ADAM28: variants seen among roughly 807,000 people sequenced by gnomAD.
The protein encoded by ADAM28 is disintegrin and metalloproteinase domain-containing protein 28.
Under a neutral mutation model 101.2 loss-of-function variants are expected in ADAM28, and 105 were observed. The ratio of observed to expected loss-of-function variants is 1.04; its 90% CI spans 0.89 to 1.22. The LOEUF is 1.22. Ranked by LOEUF, ADAM28 falls within the 50% of genes most tolerant of loss-of-function variation. ADAM28 has a pLI of 0.00. For synonymous variants in ADAM28, 322 were observed against 310.6 expected, an observed-to-expected ratio of 1.04 and a Z score of -0.39; for missense variants, 1,028 against 945.4, an observed-to-expected ratio of 1.09 and a Z score of -1.15.
chr8:24,332,840 A>G (rs1813535185), intron 13 of ADAM28, 91 bp downstream of exon 13: 1 of 660,528 alleles, frequency 1.5e-6, no homozygotes. Context: ...AAGCAATGCA[A>G]TATTTTTCTT....
intron 17 of ADAM28, 86 bp from the exon 18 acceptor site, chr8:24,343,420 T>A: frequency 7.2e-7 from 1 of 1,385,784 alleles, no homozygotes; most frequent in Non-Finnish European, 1.0e-6. Flanking sequence ...TATTCCTTTT[T>A]CTGCATGAAC....
At chr8:24,314,844 A>G (rs953518872) in intron 6 of ADAM28, among the ~76,000 whole-genome samples, 12 of 151,594 alleles carry the variant, frequency 7.9e-5, no homozygotes, top group Non-Finnish European at 1.8e-4. Context: ...GTTTTTATAC[A>G]TGACTGAAGT....
At position 24,341,603 on chromosome 8, in the gene ADAM28, C is replaced by G. The variant is rs780251485; in HGVS notation, c.1676C>G (p.Thr559Ser). ...CATTTTGGCTTTTTCCTCAGTGATA[C>G]CATGTGTGGGAAGTTGTTCTGTCAA... ...DTLIPCKAND[T>S]MCGKLFCQGG... The change falls in exon 16 of 23, where the codon ACC (threonine) becomes AGC (serine). Residue 559 changes from threonine to serine, a missense_variant. Transcript: ENST00000265769. 2 of 1,612,534 alleles carry G rather than the reference C, an allele frequency of 1.2e-6. No individual in the cohort carries two copies. Among genetic ancestry groups the G allele is most frequent in the Admixed American group, 1.7e-5 (1 of 59,838 alleles).
chr8:24,345,342 A>G (rs116725595), intron 18 of ADAM28, among the ~76,000 whole-genome samples: 1 of 152,008 alleles, frequency 6.6e-6, no homozygotes, highest in Non-Finnish European at 1.5e-5. Flanking sequence ...TATGCAAAAT[A>G]TCTCCACTGT....
At chr8:24,308,772 T>C (rs1453913288) in intron 2 of ADAM28, 1 of 451,028 alleles carries the variant, frequency 2.2e-6, no homozygotes, top group Non-Finnish European at 4.5e-6. Flanking sequence ...AAGCAAAGTA[T>C]GGACTGTAAG....
intron 20 of ADAM28, chr8:24,351,513 A>C: frequency 1.6e-6 from 1 of 632,216 alleles, no homozygotes; most frequent in South Asian, 1.7e-5. Context: ...AAATGCAAAC[A>C]GAATAAAGAG....
In ADAM28 at chr8:24,294,202, A is replaced by T; in HGVS notation, c.46+7A>T. ...CTCCTCCTCTCTGTTGCAGGTACATATTTAGCTCTTTTTCAGGTTCTATTG... is the reference window on the plus strand; with the variant it reads ...CTCCTCCTCTCTGTTGCAGGTACATTTTTAGCTCTTTTTCAGGTTCTATTG... On this transcript the variant is annotated splice_region_variant and intron_variant, in intron 1 of 22. Transcript: ENST00000265769. 1 of 1,614,020 alleles carries T rather than the reference A, an allele frequency of 6.2e-7. No individual in the cohort carries two copies. The highest frequency in any genetic ancestry group is 1.1e-5 in the South Asian group (1 of 91,082).
rs1309319268 is a variant in ADAM28, at chr8:24,351,299, C to T, written c.2167C>T (p.Gln723Ter). The change falls in exon 20 of 23, where the codon CAA becomes TAA. Residue 723 changes from glutamine (Q) to a stop codon, truncating the protein, a stop_gained. Transcript: ENST00000265769. LOFTEE classifies it high-confidence loss of function. ...GAAACCCCAGATGGTAAAGGCTGTTCAACCCCAAGAGGTGAACTATATAGT... is the reference window on the plus strand; with the variant it reads ...GAAACCCCAGATGGTAAAGGCTGTTTAACCCCAAGAGGTGAACTATATAGT... ...KRKPQMVKAV[Q>*]PQEMSQMKPH... 6 of 1,613,302 alleles carry T rather than the reference C, an allele frequency of 3.7e-6. No homozygotes were observed. Among genetic ancestry groups the T allele is most frequent in the Non-Finnish European group, 5.1e-6 (6 of 1,179,610 alleles).
chr8:24,314,426 T>G (rs986284532), intron 6 of ADAM28, among the ~76,000 whole-genome samples: 2 of 152,126 alleles, frequency 1.3e-5, no homozygotes, highest in Non-Finnish European at 2.9e-5. Context: ...GTTTTGTGTT[T>G]TAGACTGTAT....
intron 5 of ADAM28, among the ~76,000 whole-genome samples, chr8:24,312,955 G>A (rs1810673169): frequency 6.6e-6 from 1 of 152,162 alleles, no homozygotes; most frequent in Admixed American, 6.6e-5. Context: ...CCTGAGGCTT[G>A]TGAGTTTAAA....
chr8:24,334,528 A>G (rs1813760912), intron 13 of ADAM28, among the ~76,000 whole-genome samples: 7 of 152,192 alleles, frequency 4.6e-5, no homozygotes, highest in Admixed American at 4.6e-4. Context: ...AGATTTAGAC[A>G]TAAAAGAATT....
intron 2 of ADAM28, among the ~76,000 whole-genome samples, chr8:24,301,689 G>A (rs927584834): frequency 3.9e-5 from 6 of 152,138 alleles, no homozygotes; most frequent in Admixed American, 3.9e-4. Context: ...TTATGTGTTA[G>A]TATTATTTGT....
chr8:24,339,494 C>T lies in ADAM28; in HGVS notation c.1596C>T (p.Tyr532=), dbSNP rs759619975. 6.2e-7 allele frequency: 1 copy of T among 1,613,416 alleles called. No homozygotes were observed. Among genetic ancestry groups the T allele is most frequent in the Non-Finnish European group, 8.5e-7 (1 of 1,179,604 alleles). Residue 532 remains tyrosine (Y), a synonymous_variant, in exon 15 of 23, where the codon TAC becomes TAT. Coordinates refer to ENST00000265769, the MANE Select transcript of ADAM28 (RefSeq NM_014265.6). ...CTGAGGTTGCAGATAAGTCATGTTA[C>T]AACAGGAATGAAGGTGGGTCAAAGT... ...PGTEVADKSC[Y]NRNEGGSKYG...
chr8:24,330,592 A>G (rs572264255), intron 11 of ADAM28, among the ~76,000 whole-genome samples: 75 of 152,298 alleles, frequency 4.9e-4, no homozygotes, highest in African/African-American at 1.7e-3. Flanking sequence ...CCTCTTTTCT[A>G]TACATACAGC....
At chr8:24,348,864 A>T (rs1815732663) in intron 18 of ADAM28, among the ~76,000 whole-genome samples, 1 of 152,164 alleles carries the variant, frequency 6.6e-6, no homozygotes. Flanking sequence ...ATAATATGTC[A>T]TTCTTCTGAA....
chr8:24,321,563 C>A, intron 8 of ADAM28: 1 of 392,296 alleles, frequency 2.5e-6, no homozygotes. Flanking sequence ...TCCAAAAATC[C>A]GCTAAGAAAA....
chr8:24,322,239 A>C (rs767007006), intron 8 of ADAM28, among the ~76,000 whole-genome samples: 1 of 151,994 alleles, frequency 6.6e-6, no homozygotes, highest in African/African-American at 2.4e-5. Context: ...GATTTAGTGC[A>C]TGAGTGGAGA....
intron 1 of ADAM28, chr8:24,296,293 C>G (rs1807954053): frequency 1.3e-5 from 2 of 151,990 alleles, no homozygotes; most frequent in Non-Finnish European, 2.9e-5. Flanking sequence ...GTCAAAATAA[C>G]AGACCTAATA....
chr8:24,335,113 T>C (rs1297778547), intron 13 of ADAM28, among the ~76,000 whole-genome samples: 1 of 152,050 alleles, frequency 6.6e-6, no homozygotes, highest in Non-Finnish European at 1.5e-5. Context: ...CTGACAGAGA[T>C]GCATCCAACA....
Sources: gnomAD v4.1 joint callset for allele counts (sites outside exome capture counted in the v4.1 genomes callset) on GRCh38, gnomAD v4.1.1 for gene constraint, MANE v1.5 for transcripts, NCBI Gene and HGNC (gene_info 2026-07-23, HGNC 2026-07-21) for gene names.